PRDM16: variants seen among roughly 807,000 people sequenced by gnomAD.
PRDM16 encodes PR/SET domain 16.
A neutral mutation model predicts 110.6 loss-of-function variants in PRDM16; 23 were observed. The ratio of observed to expected loss-of-function variants is 0.21; its 90% CI spans 0.15 to 0.29. The LOEUF is 0.29. Ranked by LOEUF, PRDM16 falls within the 10% of genes least tolerant of loss-of-function variation. PRDM16 has a pLI of 1.00. For synonymous variants in PRDM16, 799 were observed against 781.8 expected (o/e 1.02, Z -0.37); for missense variants, 1,615 against 1,794.3 (o/e 0.90, Z 1.81).
At chr1:3,239,109 G>A (rs1639605187) in intron 2 of PRDM16, among the ~76,000 whole-genome samples, 1 of 152,216 alleles carries the variant, frequency 6.6e-6, no homozygotes, top group Admixed American at 6.5e-5. Flanking sequence ...GAAATTGGCA[G>A]CACCCACGGC....
intron 1 of PRDM16, among the ~76,000 whole-genome samples, chr1:3,118,103 ATGTG>A (rs764459013): frequency 4.1e-5 from 6 of 147,674 alleles, no homozygotes; most frequent in Non-Finnish European, 7.5e-5. Flanking sequence ...GTGTACATGC[ATGTG>A]TGTGTGCGTG....
chr1:3,322,696 G>A (rs1323817308), intron 3 of PRDM16, among the ~76,000 whole-genome samples: 1 of 152,182 alleles, frequency 6.6e-6, no homozygotes, highest in Non-Finnish European at 1.5e-5. Flanking sequence ...CCCCCAGATG[G>A]CCACCCTTTA....
At chr1:3,082,112 T>G (rs1034578556) in intron 1 of PRDM16, among the ~76,000 whole-genome samples, 1 of 152,094 alleles carries the variant, frequency 6.6e-6, no homozygotes, top group South Asian at 2.1e-4. Context: ...AGCTCCACCA[T>G]GTTAGATGAC....
chr1:3,233,313 G>A lies in PRDM16; in HGVS notation c.388-10774G>A, dbSNP rs1275252337. Among the ~76,000 whole-genome samples the A allele has an allele frequency of 2.0e-5, 3 of 152,194 alleles. No homozygotes were observed. The East Asian group carries it at 5.8e-4, about 29-fold the overall frequency. ...GTGGAAAATGGCCAGCAGTGGACCT[G>A]GGAGGGCACATCTTTCAGATGTGAG... On this transcript the variant is annotated intron_variant, in intron 2 of 16. Transcript: ENST00000270722.
At chr1:3,177,856 C>G (rs1202874557) in intron 1 of PRDM16, among the ~76,000 whole-genome samples, 3 of 152,132 alleles carry the variant, frequency 2.0e-5, no homozygotes, top group Non-Finnish European at 1.5e-5. Flanking sequence ...TTTGGATGGG[C>G]CAGGTGAGAC....
At chr1:3,142,156 G>A (rs2100703753) in intron 1 of PRDM16, among the ~76,000 whole-genome samples, 1 of 152,376 alleles carries the variant, frequency 6.6e-6, no homozygotes, top group South Asian at 2.1e-4. Flanking sequence ...CCATTTCCGG[G>A]GTCTGGTCTT....
At chr1:3,334,622 TGGA>T (rs1442592739) in intron 3 of PRDM16, among the ~76,000 whole-genome samples, 3 of 151,972 alleles carry the variant, frequency 2.0e-5, no homozygotes, top group Admixed American at 1.3e-4. Flanking sequence ...CTGTGCCCAG[TGGA>T]GGAGACCAGC....
chr1:3,316,753 CT>C (rs1641614704), intron 3 of PRDM16, among the ~76,000 whole-genome samples: 1 of 145,542 alleles, frequency 6.9e-6, no homozygotes, highest in Admixed American at 7.2e-5. Flanking sequence ...GAAACAGTGA[CT>C]GCAGTGACAC....
chr1:3,290,221 T>C lies in PRDM16; in HGVS notation c.438+46084T>C, dbSNP rs942978525. On this transcript the variant is annotated intron_variant, in intron 3 of 16. Coordinates refer to ENST00000270722, the MANE Select transcript of PRDM16 (RefSeq NM_022114.4). This position sits in a 1 kb window ranked among gnomAD's most constrained non-coding sequence, Gnocchi z 4.8. Reference sequence around the variant, plus strand: ...GGGGCTCCCCTTGAGGTGGGCAGGTTTCCAGGCATTTGGAAGTAGACATGG... The same window carrying C: ...GGGGCTCCCCTTGAGGTGGGCAGGTCTCCAGGCATTTGGAAGTAGACATGG... Among the ~76,000 whole-genome samples, 3 of 152,154 alleles carry C rather than the reference T, an allele frequency of 2.0e-5. No individual in the cohort carries two copies. Among genetic ancestry groups the C allele is most frequent in the Non-Finnish European group, 2.9e-5 (2 of 68,018 alleles).
intron 5 of PRDM16, among the ~76,000 whole-genome samples, chr1:3,401,311 C>G (rs969312168): frequency 2.0e-5 from 3 of 152,166 alleles, no homozygotes; most frequent in African/African-American, 7.2e-5. Context: ...CTGCCCCCAT[C>G]CCCCCGTCTC....
At position 3,425,519 on chromosome 1, in the gene PRDM16, T is replaced by C. The variant is rs548495966; in HGVS notation, c.2940-62T>C. On this transcript the variant is annotated intron_variant, in intron 12 of 16. Transcript: ENST00000270722. The surrounding 1 kb of genome is among the most constrained non-coding windows in gnomAD (Gnocchi z 6.9). ...CGCGGGCTCCCTTCCCCCCACCCTC[T>C]GTGGCCCGGCCTGCCATGCAGAGCC... 4 of 1,556,616 alleles carry C rather than the reference T, an allele frequency of 2.6e-6. No homozygotes were observed. The South Asian group carries it at 3.5e-5, about 14-fold the overall frequency.
chr1:3,211,655 C>T (rs958694284), intron 2 of PRDM16, among the ~76,000 whole-genome samples: 3 of 152,184 alleles, frequency 2.0e-5, no homozygotes, highest in South Asian at 2.1e-4. Context: ...TGGGGGCCGG[C>T]GCTGGTGGTC....
At chr1:3,261,550 C>T (rs962297709) in intron 3 of PRDM16, among the ~76,000 whole-genome samples, 6 of 152,164 alleles carry the variant, frequency 3.9e-5, no homozygotes, top group African/African-American at 1.2e-4. Flanking sequence ...TCACCCTCTC[C>T]GGCAAACAGG....
At chr1:3,427,840 C>T (rs1020677565) in intron 14 of PRDM16, among the ~76,000 whole-genome samples, 3 of 152,178 alleles carry the variant, frequency 2.0e-5, no homozygotes, top group Non-Finnish European at 2.9e-5. Flanking sequence ...CAGGCTGTCC[C>T]GGCATTCCCC....
chr1:3,354,816 G>C (rs902393302), intron 3 of PRDM16, among the ~76,000 whole-genome samples: 1 of 152,180 alleles, frequency 6.6e-6, no homozygotes. Context: ...GACAGGAGGG[G>C]ACATTTCGAT....
intron 2 of PRDM16, among the ~76,000 whole-genome samples, chr1:3,214,468 G>T (rs10909900): frequency 6.6e-5 from 10 of 152,210 alleles, no homozygotes; most frequent in Admixed American, 2.0e-4. Flanking sequence ...AGGCCAAGAC[G>T]GGCAGATCAC....
chr1:3,193,897 T>C (rs1638383449), intron 2 of PRDM16, among the ~76,000 whole-genome samples: 2 of 152,114 alleles, frequency 1.3e-5, no homozygotes, highest in Admixed American at 1.3e-4. Context: ...CAGGCCTGCC[T>C]TGGAGATGCT....
Position 3,255,972 on chromosome 1 carries a change from C to T in PRDM16, c.438+11835C>T, listed in dbSNP as rs1229812189. Among the ~76,000 whole-genome samples, 1 of 152,170 alleles carries T rather than the reference C, an allele frequency of 6.6e-6. No homozygotes were observed. Among genetic ancestry groups the T allele is most frequent in the Non-Finnish European group, 1.5e-5 (1 of 68,042 alleles). On this transcript the variant is annotated intron_variant, in intron 3 of 16. Transcript: ENST00000270722. The surrounding 1 kb of genome is among the most constrained non-coding windows in gnomAD (Gnocchi z 4.7). ...GTACAGGGTGGAACGAGCTCCGCCT[C>T]TCAGGGGAGGGACAGGATTACGTGG...
At chr1:3,111,825 A>G (rs1228300444) in intron 1 of PRDM16, among the ~76,000 whole-genome samples, 7 of 152,162 alleles carry the variant, frequency 4.6e-5, no homozygotes, top group Non-Finnish European at 1.0e-4. Flanking sequence ...GCAGAACCCA[A>G]TCACTGGACA....
Sources: allele counts gnomAD v4.1 joint callset (sites outside exome capture counted in the v4.1 genomes callset), GRCh38; gene constraint gnomAD v4.1.1; non-coding constraint Gnocchi (gnomAD v3.1); transcripts MANE v1.5; gene names NCBI Gene and HGNC (gene_info 2026-07-23, HGNC 2026-07-21).